The following NSUN6 variants were observed in gnomAD, a reference collection of about 807,000 sequenced individuals.
NSUN6 encodes tRNA (cytosine(72)-C(5))-methyltransferase NSUN6.
In NSUN6, 64 loss-of-function variants were observed where a neutral mutation model predicts 58.0. That is an observed-to-expected ratio of 1.10 (90% CI 0.90 to 1.36). NSUN6 has a LOEUF of 1.36. Among genes scored for constraint, NSUN6 ranks in the 40% most tolerant of loss-of-function variants. The pLI is 0.00. For missense variants in NSUN6, 701 were observed against 550.1 expected, an observed-to-expected ratio of 1.27 and a Z score of -2.74; for synonymous variants, 231 against 193.9, an observed-to-expected ratio of 1.19 and a Z score of -1.59.
At chr10:18,632,567 C>CAAACA (rs1305752570) in intron 3 of NSUN6, among the ~76,000 whole-genome samples, 1 of 151,448 alleles carries the variant, frequency 6.6e-6, no homozygotes, top group East Asian at 1.9e-4. Context: ...AAGAAAAAAA[C>CAAACA]AAACAACCCC....
At chr10:18,645,333 A>G (rs1488336497) in intron 2 of NSUN6, among the ~76,000 whole-genome samples, 1 of 152,196 alleles carries the variant, frequency 6.6e-6, no homozygotes, top group Admixed American at 6.5e-5. Flanking sequence ...ACAAAATTAT[A>G]TAAAATATTG....
chr10:18,546,946 GAAAAAGAAAAAAGA>G (rs888521906), intron 10 of NSUN6, among the ~76,000 whole-genome samples: 35 of 151,000 alleles, frequency 2.3e-4, no homozygotes, highest in South Asian at 6.3e-4. Flanking sequence ...AGAAGAAAAA[GAAAAAGAAAAAAGA>G]AAAAAGAAAA....
chr10:18,567,396 TCTCCATCATTGCATTTCATG>T (rs2056037278), intron 8 of NSUN6, among the ~76,000 whole-genome samples: 1 of 149,834 alleles, frequency 6.7e-6, no homozygotes, highest in South Asian at 2.1e-4. Context: ...TCCATACCAT[TCTCCATCATTGCATTTCATG>T]CTCCATTTCA....
upstream of NSUN6, chr10:18,658,716 G>C: frequency 4.3e-6 from 4 of 935,196 alleles, no homozygotes; most frequent in Non-Finnish European, 5.1e-6. Flanking sequence ...TAAGAATCAC[G>C]ACAGGGGCCG....
intron 3 of NSUN6, among the ~76,000 whole-genome samples, chr10:18,627,515 A>G (rs2058854451): frequency 1.3e-5 from 2 of 152,144 alleles, no homozygotes; most frequent in African/African-American, 4.8e-5. Context: ...TCATCTCACT[A>G]GGGAGTGCCA....
At chr10:18,615,136 CAT>C (rs1216147825) in intron 4 of NSUN6, among the ~76,000 whole-genome samples, 58 of 149,486 alleles carry the variant, frequency 3.9e-4, no homozygotes, top group African/African-American at 1.4e-3. Context: ...TATACACACA[CAT>C]ATAGGCACAC....
At chr10:18,554,740 G>A (rs954753498) in intron 8 of NSUN6, among the ~76,000 whole-genome samples, 2 of 151,472 alleles carry the variant, frequency 1.3e-5, no homozygotes, top group African/African-American at 4.8e-5. Flanking sequence ...GAATGTATGG[G>A]AATGGAATGG....
intron 10 of NSUN6, among the ~76,000 whole-genome samples, chr10:18,547,044 G>A (rs902825565): frequency 1.3e-5 from 2 of 152,088 alleles, no homozygotes; most frequent in African/African-American, 4.8e-5. Context: ...GGCATCTAAG[G>A]TACCTCTCTC....
At chr10:18,577,607 T>C (rs2056714543) in intron 8 of NSUN6, among the ~76,000 whole-genome samples, 1 of 152,144 alleles carries the variant, frequency 6.6e-6, no homozygotes, top group African/African-American at 2.4e-5. Flanking sequence ...GTTAAAGAAG[T>C]TTGAAGAGAA....
At chr10:18,631,068 C>T (rs1281796899) in intron 3 of NSUN6, among the ~76,000 whole-genome samples, 2 of 152,250 alleles carry the variant, frequency 1.3e-5, no homozygotes, top group East Asian at 3.9e-4. Context: ...ATCAAGTGGG[C>T]TTCATCCCTG....
upstream of NSUN6, among the ~76,000 whole-genome samples, chr10:18,654,084 G>T (rs1434151221): frequency 6.6e-6 from 1 of 152,094 alleles, no homozygotes; most frequent in Non-Finnish European, 1.5e-5. Flanking sequence ...ATTTTAAAAG[G>T]TTGATAAAAC....
Position 18,560,894 on chromosome 10 carries a change from A to T in NSUN6, c.923-8923T>A, listed in dbSNP as rs546477537. Among the ~76,000 whole-genome samples the T allele has an allele frequency of 5.3e-5, 8 of 151,188 alleles. No individual in the cohort carries two copies. In the East Asian group the frequency reaches 1.6e-3, roughly 30 times the overall value. On this transcript the variant is annotated intron_variant, in intron 8 of 10. Coordinates refer to ENST00000377304, the MANE Select transcript of NSUN6 (RefSeq NM_182543.5). ...TGGAATGGAGAATGGAATGGAATGGAGGATGGTATGGAGAATGGAATGGAA... is the reference window on the plus strand; with the variant it reads ...TGGAATGGAGAATGGAATGGAATGGTGGATGGTATGGAGAATGGAATGGAA...
intron 7 of NSUN6, among the ~76,000 whole-genome samples, chr10:18,594,428 T>C (rs1468762610): frequency 8.1e-6 from 1 of 123,180 alleles, no homozygotes; most frequent in Admixed American, 7.6e-5. Context: ...ATAGACACTT[T>C]CTGTTTTTTT....
intron 7 of NSUN6, among the ~76,000 whole-genome samples, chr10:18,587,397 A>T (rs372437577): frequency 3.3e-5 from 5 of 152,344 alleles, no homozygotes; most frequent in African/African-American, 1.2e-4. Context: ...TAGCATAGCA[A>T]AATATTTTGG....
At chr10:18,601,543 C>G (rs1010012121) in intron 6 of NSUN6, among the ~76,000 whole-genome samples, 1 of 108,610 alleles carries the variant, frequency 9.2e-6, no homozygotes, top group Non-Finnish European at 1.9e-5. Flanking sequence ...TAAGACATAA[C>G]AGTTATGAGC....
At chr10:18,546,720 A>G (rs1589800406) in intron 10 of NSUN6, among the ~76,000 whole-genome samples, 1 of 152,014 alleles carries the variant, frequency 6.6e-6, no homozygotes, top group East Asian at 1.9e-4. Flanking sequence ...TCTACCAAAA[A>G]TACAAAAATT....
intron 3 of NSUN6, among the ~76,000 whole-genome samples, chr10:18,623,910 A>C (rs1408910712): frequency 1.3e-5 from 2 of 152,188 alleles, no homozygotes; most frequent in Non-Finnish European, 2.9e-5. Context: ...TTATCTGACT[A>C]GTCCCATAGG....
At chr10:18,644,141 T>C (rs1428824342) in intron 2 of NSUN6, among the ~76,000 whole-genome samples, 3 of 152,220 alleles carry the variant, frequency 2.0e-5, no homozygotes, top group Non-Finnish European at 4.4e-5. Flanking sequence ...ACAAAGATCC[T>C]TCACGCTCAC....
At chr10:18,546,776 G>T (rs1283635424) in intron 10 of NSUN6, among the ~76,000 whole-genome samples, 1 of 152,168 alleles carries the variant, frequency 6.6e-6, no homozygotes, top group East Asian at 1.9e-4. Flanking sequence ...TACTTGGGAG[G>T]CTGAGGCATG....
Sources: allele counts gnomAD v4.1 joint callset (sites outside exome capture counted in the v4.1 genomes callset), GRCh38; gene constraint gnomAD v4.1.1; transcripts MANE v1.5; gene names NCBI Gene and HGNC (gene_info 2026-07-23, HGNC 2026-07-21).